SLC5A4: variants seen among roughly 807,000 people sequenced by gnomAD.
SLC5A4 encodes probable glucose sensor protein SLC5A4.
A neutral mutation model predicts 70.3 loss-of-function variants in SLC5A4; 55 were observed. The ratio of observed to expected loss-of-function variants is 0.78; its 90% CI spans 0.63 to 0.98. The LOEUF is 0.98. Among genes scored for constraint, SLC5A4 ranks in the 50% least tolerant of loss-of-function variants. The pLI is 0.00. For missense variants in SLC5A4, 735 were observed against 839.2 expected (o/e 0.88, Z 1.53); for synonymous variants, 268 against 305.7 (o/e 0.88, Z 1.29).
At chr22:32,261,334 C>G in the SLC5A4 span, among the ~76,000 whole-genome samples, 2 of 152,244 alleles carry the variant, frequency 1.3e-5, no homozygotes, top group South Asian at 2.1e-4. Flanking sequence ...CCTCCTGCCC[C>G]CTTCACAGGC....
At chr22:32,287,663 T>C in the SLC5A4 span, among the ~76,000 whole-genome samples, 2 of 151,018 alleles carry the variant, frequency 1.3e-5, no homozygotes, top group South Asian at 4.2e-4. Flanking sequence ...TTCTTTTTTT[T>C]TCTTTAGAGA....
At chr22:32,225,224 G>C (rs2294205) in intron 12 of SLC5A4, among the ~76,000 whole-genome samples, 75,518 of 152,060 alleles carry the variant, frequency 0.5, 20,063 homozygotes, top group African/African-American at 0.67. Context: ...TGAATTCTTA[G>C]CAGTGTGGTA....
At chr22:32,346,503 G>A in the SLC5A4 span, among the ~76,000 whole-genome samples, 1 of 151,312 alleles carries the variant, frequency 6.6e-6, no homozygotes, top group Non-Finnish European at 1.5e-5. Flanking sequence ...GTACCAAAAC[G>A]AGATATAGAC....
the SLC5A4 span, among the ~76,000 whole-genome samples, chr22:32,290,647 T>C: frequency 7.9e-4 from 121 of 152,270 alleles, no homozygotes; most frequent in African/African-American, 2.8e-3. Flanking sequence ...TTCTCACAGT[T>C]CTGAATACTG....
the SLC5A4 span, chr22:32,271,002 G>T: frequency 1.9e-6 from 1 of 527,550 alleles, no homozygotes; most frequent in South Asian, 1.9e-5. Context: ...GAGAGCCTGG[G>T]CTCGGAGACT....
the SLC5A4 span, among the ~76,000 whole-genome samples, chr22:32,346,734 C>T: frequency 6.9e-6 from 1 of 144,836 alleles, no homozygotes; most frequent in African/African-American, 2.6e-5. Context: ...AACGTTAGAC[C>T]TAAAACCATA....
At chr22:32,308,245 C>A in the SLC5A4 span, among the ~76,000 whole-genome samples, 1 of 152,140 alleles carries the variant, frequency 6.6e-6, no homozygotes, top group Non-Finnish European at 1.5e-5. Context: ...ACCAGTACAC[C>A]CAAGTTGAAA....
chr22:32,348,468 AG>A, the SLC5A4 span, among the ~76,000 whole-genome samples: 3 of 152,212 alleles, frequency 2.0e-5, no homozygotes, highest in Non-Finnish European at 2.9e-5. Flanking sequence ...AGTGGAGGCC[AG>A]GAAGGAGGGG....
the SLC5A4 span, among the ~76,000 whole-genome samples, chr22:32,325,962 C>G: frequency 0.078 from 11,943 of 152,246 alleles, 767 homozygotes; most frequent in East Asian, 0.33. Context: ...AGGAGCTGAG[C>G]CTGGAATCGG....
At chr22:32,311,270 G>T in the SLC5A4 span, among the ~76,000 whole-genome samples, 3 of 152,330 alleles carry the variant, frequency 2.0e-5, no homozygotes, top group Admixed American at 1.3e-4. Context: ...GCTCACTGTT[G>T]TGTCTGGTGA....
chr22:32,321,326 C>A, the SLC5A4 span, among the ~76,000 whole-genome samples: 1 of 152,064 alleles, frequency 6.6e-6, no homozygotes, highest in Non-Finnish European at 1.5e-5. Context: ...GTGATAGGCA[C>A]CTGTAGTCCC....
chr22:32,338,321 C>T, the SLC5A4 span, among the ~76,000 whole-genome samples: 1 of 150,864 alleles, frequency 6.6e-6, no homozygotes, highest in Non-Finnish European at 1.5e-5. Flanking sequence ...ATACAGTTAA[C>T]AAATGAAAGT....
intron 1 of SLC5A4, among the ~76,000 whole-genome samples, chr22:32,254,988 C>T (rs1927392402): frequency 6.6e-6 from 1 of 152,080 alleles, no homozygotes; most frequent in Non-Finnish European, 1.5e-5. Context: ...ATCTGAAGGT[C>T]CCGGTGCTGG....
the SLC5A4 span, chr22:32,273,299 G>A: frequency 4.2e-6 from 1 of 239,316 alleles, no homozygotes; most frequent in Non-Finnish European, 8.4e-6. Flanking sequence ...ATCCAGACCT[G>A]TGCTACAATT....
At chr22:32,325,796 G>A in the SLC5A4 span, among the ~76,000 whole-genome samples, 11 of 152,262 alleles carry the variant, frequency 7.2e-5, no homozygotes, top group Non-Finnish European at 1.2e-4. Flanking sequence ...GAAGCTCAGA[G>A]AGACAATGTC....
At chr22:32,271,289 G>A in the SLC5A4 span, 1 of 750,316 alleles carries the variant, frequency 1.3e-6, no homozygotes, top group South Asian at 1.5e-5. Flanking sequence ...ACCACACAGG[G>A]CGAGGCCCGC....
chr22:32,311,272 G>C, the SLC5A4 span, among the ~76,000 whole-genome samples: 1 of 152,098 alleles, frequency 6.6e-6, no homozygotes, highest in African/African-American at 2.4e-5. Flanking sequence ...TCACTGTTGT[G>C]TCTGGTGAAT....
chr22:32,265,387 C>G, the SLC5A4 span, among the ~76,000 whole-genome samples: 6 of 150,678 alleles, frequency 4.0e-5, no homozygotes, highest in African/African-American at 1.5e-4. Flanking sequence ...GACCCTGTCT[C>G]AAGAAAAAAA....
the SLC5A4 span, among the ~76,000 whole-genome samples, chr22:32,347,918 C>G: frequency 6.6e-6 from 1 of 151,558 alleles, no homozygotes; most frequent in East Asian, 1.9e-4. Flanking sequence ...AAAAAAAAAT[C>G]AATGCCTATT....
Sources: gnomAD v4.1 joint callset for allele counts (sites outside exome capture counted in the v4.1 genomes callset) on GRCh38, gnomAD v4.1.1 for gene constraint, MANE v1.5 for transcripts, NCBI Gene and HGNC (gene_info 2026-07-23, HGNC 2026-07-21) for gene names.